Variants in XYLT1 observed in about 807,000 individuals in gnomAD.
XYLT1 encodes the protein xylosyltransferase 1.
Under a neutral mutation model 91.3 loss-of-function variants are expected in XYLT1, and 36 were observed. The observed-to-expected ratio is 0.39, with a 90% CI of 0.30 to 0.52. XYLT1 has a LOEUF of 0.52. Among genes scored for constraint, XYLT1 ranks in the 20% least tolerant of loss-of-function variants. The probability of loss-of-function intolerance (pLI) is 0.68; values close to 1 mark genes in which losing one functional copy is unlikely to be tolerated. For synonymous variants in XYLT1, 588 were observed against 532.0 expected (o/e 1.11, Z -1.45); for missense variants, 1,242 against 1,284.5 (o/e 0.97, Z 0.51).
chr16:17,418,055 T>C (rs948783940), intron 1 of XYLT1, among the ~76,000 whole-genome samples: 1 of 152,134 alleles, frequency 6.6e-6, no homozygotes, highest in African/African-American at 2.4e-5. Context: ...TCCATATGTG[T>C]CAGTAACATA....
intron 3 of XYLT1, among the ~76,000 whole-genome samples, chr16:17,245,590 T>C (rs1029202392): frequency 1.3e-5 from 2 of 152,252 alleles, no homozygotes; most frequent in Non-Finnish European, 2.9e-5. Flanking sequence ...GAGGGTTCTA[T>C]ACACATCAAT....
chr16:17,470,092 G>A (rs4555139), intron 1 of XYLT1, among the ~76,000 whole-genome samples: 57,305 of 146,400 alleles, frequency 0.39, 11,152 homozygotes, highest in South Asian at 0.56. Context: ...CAGGGAGCGA[G>A]TCACCAAGAC....
intron 1 of XYLT1, among the ~76,000 whole-genome samples, chr16:17,436,591 G>A (rs2036462546): frequency 6.6e-6 from 1 of 152,186 alleles, no homozygotes; most frequent in Non-Finnish European, 1.5e-5. Flanking sequence ...TGGGAACGAG[G>A]TCATTCTATA....
At chr16:17,419,806 G>A (rs929270454) in intron 1 of XYLT1, among the ~76,000 whole-genome samples, 1 of 152,136 alleles carries the variant, frequency 6.6e-6, no homozygotes, top group African/African-American at 2.4e-5. Context: ...GAAAGAGAGG[G>A]AGCCTGCTTC....
chr16:17,366,695 AAAAC>A (rs761644779), intron 1 of XYLT1, among the ~76,000 whole-genome samples: 56 of 152,262 alleles, frequency 3.7e-4, no homozygotes, highest in East Asian at 2.1e-3. Context: ...ACCGTGTCTT[AAAAC>A]AAACAAACAA....
At chr16:17,367,038 G>T (rs527795337) in intron 1 of XYLT1, among the ~76,000 whole-genome samples, 79 of 151,942 alleles carry the variant, frequency 5.2e-4, no homozygotes, top group African/African-American at 1.7e-3. Context: ...TCTTCAGGTC[G>T]ACTACTTTGC....
intron 6 of XYLT1, 49 bp downstream of exon 6, chr16:17,158,780 C>T (rs774468021): frequency 1.3e-6 from 2 of 1,594,890 alleles, no homozygotes; most frequent in Admixed American, 3.3e-5. Flanking sequence ...CAAATGATCA[C>T]TCAGATTTTC....
At chr16:17,125,062 G>A (rs951649534) in intron 10 of XYLT1, among the ~76,000 whole-genome samples, 5 of 151,782 alleles carry the variant, frequency 3.3e-5, no homozygotes, top group South Asian at 2.1e-4. Context: ...CTTAATAGTC[G>A]AACTTCTTAA....
chr16:17,329,787 A>G (rs2141837311), intron 2 of XYLT1, among the ~76,000 whole-genome samples: 1 of 152,304 alleles, frequency 6.6e-6, no homozygotes, highest in African/African-American at 2.4e-5. Flanking sequence ...TAACCATCAC[A>G]GGGAGGGGCA....
intron 1 of XYLT1, among the ~76,000 whole-genome samples, chr16:17,394,184 T>C (rs2035856201): frequency 1.3e-5 from 2 of 152,112 alleles, no homozygotes; most frequent in Non-Finnish European, 2.9e-5. Context: ...GAAAATGAAA[T>C]AAAAGTAAAA....
At chr16:17,166,637 G>A (rs1315746823) in intron 5 of XYLT1, among the ~76,000 whole-genome samples, 2 of 151,502 alleles carry the variant, frequency 1.3e-5, no homozygotes, top group Non-Finnish European at 2.9e-5. Flanking sequence ...TCAGCCTCTT[G>A]AGTAGCTGGA....
chr16:17,377,595 G>A (rs1021200852), intron 1 of XYLT1, among the ~76,000 whole-genome samples: 7 of 151,466 alleles, frequency 4.6e-5, no homozygotes, highest in African/African-American at 1.7e-4. Context: ...AAAGCTGGAC[G>A]ACCCTGCCTT....
intron 1 of XYLT1, among the ~76,000 whole-genome samples, chr16:17,360,869 G>A (rs111898972): frequency 0.02 from 3,119 of 152,286 alleles, 100 homozygotes; most frequent in African/African-American, 0.07. Flanking sequence ...TGCAATGTGC[G>A]TGCACGCTAC....
intron 9 of XYLT1, among the ~76,000 whole-genome samples, chr16:17,128,665 C>G (rs2030349119): frequency 6.6e-6 from 1 of 152,144 alleles, no homozygotes; most frequent in Admixed American, 6.5e-5. Context: ...CACATACATG[C>G]AAAAGTGGTT....
At chr16:17,321,341 C>G (rs1052119545) in intron 2 of XYLT1, among the ~76,000 whole-genome samples, 1 of 99,750 alleles carries the variant, frequency 1.0e-5, no homozygotes, top group East Asian at 3.3e-4. Flanking sequence ...TACTAACTAG[C>G]CTTTTTTTTT....
chr16:17,304,870 G>C (rs1370967408), intron 2 of XYLT1, among the ~76,000 whole-genome samples: 1 of 152,126 alleles, frequency 6.6e-6, no homozygotes, highest in Non-Finnish European at 1.5e-5. Flanking sequence ...CTTGGGTTTG[G>C]ATAGTAAAAT....
At chr16:17,249,687 G>C (rs541441001) in intron 3 of XYLT1, 7 of 150,554 alleles carry the variant, frequency 4.6e-5, no homozygotes, top group African/African-American at 1.7e-4. Context: ...TGTTTGTTTT[G>C]AGATAAAGTC....
chr16:17,253,823 T>TGAGAGAGAGAGAGAGAGA (rs3060128), intron 3 of XYLT1, among the ~76,000 whole-genome samples: 107 of 114,864 alleles, frequency 9.3e-4, no homozygotes, highest in Admixed American at 4.9e-3. Context: ...CCTTGCAACT[T>TGAGAGAGAGAGAGAGAGA]GAGAGAGAGA....
intron 1 of XYLT1, among the ~76,000 whole-genome samples, chr16:17,366,489 G>A (rs2035456085): frequency 6.6e-6 from 1 of 152,192 alleles, no homozygotes; most frequent in South Asian, 2.1e-4. Flanking sequence ...GCGGTCAGGA[G>A]GTCGAGACTG....
Sources: gnomAD v4.1 joint callset for allele counts (sites outside exome capture counted in the v4.1 genomes callset) on GRCh38, gnomAD v4.1.1 for gene constraint, MANE v1.5 for transcripts, NCBI Gene and HGNC (gene_info 2026-07-23, HGNC 2026-07-21) for gene names.